SVOP: variants seen among roughly 807,000 people sequenced by gnomAD.
SVOP encodes the protein SV2 related protein, also known as synaptic vesicle 2-related protein.
A neutral mutation model predicts 69.1 loss-of-function variants in SVOP; 17 were observed. That is an observed-to-expected ratio of 0.25 (90% CI 0.17 to 0.37). The LOEUF (loss-of-function observed/expected upper bound fraction) is 0.37, where lower values mean the gene tolerates loss of function less well. Ranked by LOEUF, SVOP falls within the 10% of genes least tolerant of loss-of-function variation. The pLI is 1.00. For synonymous variants in SVOP, 238 were observed against 238.6 expected (o/e 1.00, Z 0.02); for missense variants, 435 against 597.5 (o/e 0.73, Z 2.84).
Position 108,912,064 on chromosome 12 carries a change from G to T in SVOP, c.*471C>A. On this transcript the variant is annotated 3_prime_UTR_variant, in exon 16 of 16. Coordinates refer to ENST00000610966, the MANE Select transcript of SVOP (RefSeq NM_018711.5). ...TAGCTGCTCAGACCACACCTAGATC[G>T]CCTGCAATTTCAAAGAAGAAAGCCT... The T allele has an allele frequency of 3.2e-6, 2 of 632,510 alleles. No individual in the cohort carries two copies. Among genetic ancestry groups the T allele is most frequent in the Non-Finnish European group, 4.0e-6 (2 of 504,154 alleles). The allele number at this position is 632,510 out of a possible 1,614,324, so 39.2% of individuals were successfully genotyped here.
chr12:108,983,182 C>T (rs1165592587), intron 2 of SVOP, among the ~76,000 whole-genome samples: 1 of 151,800 alleles, frequency 6.6e-6, no homozygotes, highest in Non-Finnish European at 1.5e-5. Flanking sequence ...CCATTGCCAT[C>T]TTTATCATCA....
intron 1 of SVOP, among the ~76,000 whole-genome samples, chr12:109,013,270 G>A (rs1050648456): frequency 3.3e-5 from 5 of 152,074 alleles, no homozygotes; most frequent in Non-Finnish European, 7.4e-5. Flanking sequence ...GTTTATTAGC[G>A]ATGATACGTG....
chr12:108,915,459 A>G (rs978888018), intron 15 of SVOP, among the ~76,000 whole-genome samples: 7 of 152,074 alleles, frequency 4.6e-5, no homozygotes, highest in Non-Finnish European at 8.8e-5. Context: ...GCATTAATTC[A>G]CTCACAATTG....
intron 8 of SVOP, among the ~76,000 whole-genome samples, chr12:108,939,771 G>A (rs563301004): frequency 6.6e-6 from 1 of 152,294 alleles, no homozygotes; most frequent in South Asian, 2.1e-4. Context: ...ACATTTCCCA[G>A]CTCCCTTTGC....
chr12:108,974,358 TG>T (rs1226453677), intron 4 of SVOP, among the ~76,000 whole-genome samples: 1 of 152,192 alleles, frequency 6.6e-6, no homozygotes, highest in Non-Finnish European at 1.5e-5. Flanking sequence ...TGTGGTCTAT[TG>T]TGTACTACTA....
intron 6 of SVOP, among the ~76,000 whole-genome samples, chr12:108,952,896 C>G (rs2039964241): frequency 6.6e-6 from 1 of 152,072 alleles, no homozygotes; most frequent in African/African-American, 2.4e-5. Flanking sequence ...TCCAGCAAGT[C>G]CCTTGTGAGT....
intron 6 of SVOP, among the ~76,000 whole-genome samples, chr12:108,955,271 A>G (rs952455017): frequency 2.6e-5 from 4 of 152,230 alleles, no homozygotes; most frequent in African/African-American, 9.6e-5. Context: ...TTCTGTGAGT[A>G]CATTCCTTCC....
intron 6 of SVOP, among the ~76,000 whole-genome samples, chr12:108,948,253 C>A (rs528022538): frequency 2.6e-5 from 4 of 152,192 alleles, no homozygotes; most frequent in African/African-American, 9.7e-5. Context: ...TTCACTCTTA[C>A]AGCTTCCTCC....
At chr12:108,960,212 G>A (rs1266054629) in intron 6 of SVOP, among the ~76,000 whole-genome samples, 1 of 152,152 alleles carries the variant, frequency 6.6e-6, no homozygotes, top group East Asian at 1.9e-4. Flanking sequence ...AACGACCATA[G>A]ATAATACATA....
intron 1 of SVOP, among the ~76,000 whole-genome samples, chr12:108,997,204 G>A (rs1335877692): frequency 6.6e-6 from 1 of 152,108 alleles, no homozygotes; most frequent in African/African-American, 2.4e-5. Flanking sequence ...GGTGACGGAC[G>A]CACCTGGAAA....
chr12:108,969,323 C>G (rs1266266640), intron 5 of SVOP, among the ~76,000 whole-genome samples: 4 of 148,712 alleles, frequency 2.7e-5, no homozygotes, highest in African/African-American at 4.9e-5. Context: ...CTTTCTTCCT[C>G]CCCCCTCCCT....
At chr12:109,001,757 T>C (rs1304240768) in intron 1 of SVOP, among the ~76,000 whole-genome samples, 4 of 151,112 alleles carry the variant, frequency 2.6e-5, no homozygotes, top group African/African-American at 9.7e-5. Context: ...GCTAGCCATA[T>C]GTAGGAAGCT....
At position 108,912,550 on chromosome 12, in the gene SVOP, A is replaced by G. The variant is rs912096215; in HGVS notation, c.1632T>C (p.Ser544=). 1.2e-6 allele frequency: 2 copies of G among 1,613,826 alleles called. No homozygotes were observed. Among genetic ancestry groups the G allele is most frequent in the East Asian group, 2.2e-5 (1 of 44,872 alleles). ...CCATCGGTCACTATTCCTGAGAGCC[A>G]GAGTTCGACCTGGTAACACCTGCAC... is the stretch of plus-strand genomic sequence containing the variant. ...MHGAGVTRSN[S]GSQE is the part of the protein sequence containing the mutation. The change falls in exon 16 of 16, where the codon TCT becomes TCC. Residue 544 remains serine (S), a synonymous_variant. Transcript: ENST00000610966.
Position 108,940,871 on chromosome 12 carries a change from C to T in SVOP, c.681G>A (p.Leu227=). The T allele has an allele frequency of 6.5e-7, 1 of 1,537,126 alleles. No homozygotes were observed. The highest frequency in any genetic ancestry group is 1.2e-5 in the South Asian group (1 of 84,052). The change falls in exon 8 of 16, where the codon CTG becomes CTA. Residue 227 remains leucine, a synonymous_variant. Transcript: ENST00000610966. ...WAIGTVFEVV[L]AVFVMPSLGW... is the part of the protein sequence containing the mutation. ...CCAGGCTGGGCATCACGAACACAGC[C>T]AGGACGACCTCGAACACTGTCCCGA...
chr12:108,961,560 TGCTGTCAATGACAAC>T (rs1219765426), intron 5 of SVOP, among the ~76,000 whole-genome samples: 1 of 152,156 alleles, frequency 6.6e-6, no homozygotes, highest in Admixed American at 6.5e-5. Flanking sequence ...CAGAAAACCA[TGCTGTCAATGACAAC>T]GCTGTGTGCA....
chr12:109,015,307 A>G (rs1008209609), intron 1 of SVOP, among the ~76,000 whole-genome samples: 5 of 152,164 alleles, frequency 3.3e-5, no homozygotes, highest in Admixed American at 2.6e-4. Context: ...CCAAGGAAGG[A>G]CATGATCTGA....
intron 11 of SVOP, among the ~76,000 whole-genome samples, chr12:108,925,274 C>T (rs901661198): frequency 6.6e-6 from 1 of 152,184 alleles, no homozygotes; most frequent in African/African-American, 2.4e-5. Flanking sequence ...AATAAACGCC[C>T]TCCTTTCTCC....
chr12:108,977,408 A>G lies in SVOP; in HGVS notation c.371T>C (p.Leu124Ser). 1 of 1,537,178 alleles carries G rather than the reference A, an allele frequency of 6.5e-7. No homozygotes were observed. The highest frequency in any genetic ancestry group is 8.7e-7 in the Non-Finnish European group (1 of 1,146,884). ...EWRLPSWQVA[L>S]LTSVVFVGMM... ...TGCTGGGCTGCCTACCGAGGTCAGC[A>G]ATGCCACCTGCCAGCTTGGGAGCCT... is the stretch of plus-strand genomic sequence containing the variant. The change falls in exon 4 of 16, where the codon TTG (leucine) becomes TCG (serine). Residue 124 changes from leucine to serine, a missense_variant. Transcript: ENST00000610966.
At chr12:108,990,864 G>A (rs142728704) in intron 1 of SVOP, among the ~76,000 whole-genome samples, 7,634 of 152,212 alleles carry the variant, frequency 0.05, 664 homozygotes, top group African/African-American at 0.17. Flanking sequence ...CCCGCCCCCA[G>A]AAGGCCTGAT....
Sources: allele counts gnomAD v4.1 joint callset (sites outside exome capture counted in the v4.1 genomes callset), GRCh38; gene constraint gnomAD v4.1.1; transcripts MANE v1.5; gene names NCBI Gene and HGNC (gene_info 2026-07-23, HGNC 2026-07-21).